The following AKAP6 variants were observed in gnomAD, a reference collection of about 807,000 sequenced individuals.
AKAP6 encodes the protein A-kinase anchor protein 6.
AKAP6 carries 58 observed loss-of-function variants against 188.5 expected under a neutral mutation model. That is an observed-to-expected ratio of 0.31 (90% CI 0.25 to 0.38). The LOEUF (loss-of-function observed/expected upper bound fraction) is 0.38, where lower values mean the gene tolerates loss of function less well. AKAP6 is among the 10% of genes least tolerant of loss of function. The pLI, the probability that AKAP6 is intolerant of heterozygous loss-of-function variation, is 1.00. For missense variants in AKAP6, 2,710 were observed against 2,740.0 expected, an observed-to-expected ratio of 0.99 and a Z score of 0.24; for synonymous variants, 989 against 998.6, an observed-to-expected ratio of 0.99 and a Z score of 0.18.
intron 1 of AKAP6, among the ~76,000 whole-genome samples, chr14:32,350,800 T>C (rs1887239202): frequency 6.6e-6 from 1 of 152,046 alleles, no homozygotes; most frequent in South Asian, 2.1e-4. Context: ...TAGTTGAAGA[T>C]TTAACAGGGT....
chr14:32,575,469 T>C (rs1367787604), intron 4 of AKAP6, among the ~76,000 whole-genome samples: 2 of 152,148 alleles, frequency 1.3e-5, no homozygotes, highest in African/African-American at 4.8e-5. Context: ...AATGATGTTG[T>C]CAATCAGTTT....
intron 12 of AKAP6, among the ~76,000 whole-genome samples, chr14:32,804,261 T>C (rs1365846158): frequency 6.6e-6 from 1 of 152,206 alleles, no homozygotes; most frequent in Non-Finnish European, 1.5e-5. Flanking sequence ...GAAGCCTATG[T>C]AATCTTTCAA....
intron 5 of AKAP6, among the ~76,000 whole-genome samples, chr14:32,578,997 C>T (rs1297018067): frequency 6.6e-6 from 1 of 152,114 alleles, no homozygotes; most frequent in Non-Finnish European, 1.5e-5. Context: ...CTATATTGCC[C>T]TCTCCTATGT....
At position 32,568,491 on chromosome 14, in the gene AKAP6, A is replaced by G. The variant is rs745928440; in HGVS notation, c.2347-8629A>G. Reference sequence around the variant, plus strand: ...ATGAAAAACCTACAATTAAACCATTAAACTATCATAATCCTAAATTCTAAG... The same window carrying G: ...ATGAAAAACCTACAATTAAACCATTGAACTATCATAATCCTAAATTCTAAG... On this transcript the variant is annotated intron_variant, in intron 4 of 13. Coordinates refer to ENST00000280979, the MANE Select transcript of AKAP6 (RefSeq NM_004274.5). This position sits in a 1 kb window ranked among gnomAD's most constrained non-coding sequence, Gnocchi z 6.2. Among the ~76,000 whole-genome samples, 1 of 152,194 alleles carries G rather than the reference A, an allele frequency of 6.6e-6. No individual in the cohort carries two copies. The highest frequency in any genetic ancestry group is 1.5e-5 in the Non-Finnish European group (1 of 68,040).
intron 7 of AKAP6, among the ~76,000 whole-genome samples, chr14:32,654,567 C>T (rs1470687968): frequency 2.0e-5 from 3 of 151,856 alleles, no homozygotes; most frequent in African/African-American, 7.3e-5. Flanking sequence ...ATATTATGGG[C>T]TGAGCCAGCT....
At chr14:32,582,987 C>T (rs1366884622) in intron 5 of AKAP6, among the ~76,000 whole-genome samples, 1 of 152,254 alleles carries the variant, frequency 6.6e-6, no homozygotes, top group Non-Finnish European at 1.5e-5. Context: ...CTTCTCTCAA[C>T]TTGTGAAAGT....
intron 5 of AKAP6, among the ~76,000 whole-genome samples, chr14:32,587,407 G>A (rs1885300997): frequency 6.6e-6 from 1 of 152,140 alleles, no homozygotes; most frequent in African/African-American, 2.4e-5. Flanking sequence ...AGCATGTAAC[G>A]GGTTTCTACT....
At chr14:32,671,280 A>G (rs1015482217) in intron 7 of AKAP6, among the ~76,000 whole-genome samples, 8 of 152,196 alleles carry the variant, frequency 5.3e-5, no homozygotes, top group African/African-American at 1.9e-4. Flanking sequence ...GAAGCAGGCT[A>G]GACTAGGTTG....
rs77131932 is a variant in AKAP6, at chr14:32,640,668, A to G, written c.2731-37643A>G. ...CCTGTGCTCACATTAGCCCTTACAGATAACCCTCGATTGACTGAGAATCTT... is the reference window on the plus strand; with the variant it reads ...CCTGTGCTCACATTAGCCCTTACAGGTAACCCTCGATTGACTGAGAATCTT... On this transcript the variant is annotated intron_variant, in intron 7 of 13. Transcript: ENST00000280979. 4.1e-3 allele frequency among the ~76,000 whole-genome samples: 627 copies of G among 152,266 alleles called. 3 individuals are homozygous for G. Among genetic ancestry groups the G allele is most frequent in the African/African-American group, 0.013 (549 of 41,554 alleles).
chr14:32,757,641 C>T (rs1242866520), intron 11 of AKAP6, among the ~76,000 whole-genome samples: 1 of 152,200 alleles, frequency 6.6e-6, no homozygotes, highest in African/African-American at 2.4e-5. Context: ...TTCTCTTCAG[C>T]AAACATCTGT....
At chr14:32,657,555 T>C (rs1332639944) in intron 7 of AKAP6, among the ~76,000 whole-genome samples, 1 of 152,194 alleles carries the variant, frequency 6.6e-6, no homozygotes, top group African/African-American at 2.4e-5. Flanking sequence ...CAGATTTCTC[T>C]GTGTCTAAAT....
chr14:32,812,030 G>A (rs959213908), intron 12 of AKAP6, among the ~76,000 whole-genome samples: 1 of 152,166 alleles, frequency 6.6e-6, no homozygotes, highest in African/African-American at 2.4e-5. Flanking sequence ...TTTCATAAAG[G>A]AGGGAGAAGG....
In AKAP6 at chr14:32,837,520, C is replaced by T. The variant is rs931038517; in HGVS notation, c.*7715C>T. On this transcript the variant is annotated 3_prime_UTR_variant, in exon 14 of 14. Transcript: ENST00000280979. ...AAGGTTTATAGAATTAGTTTGGTTC[C>T]GTTAGTTGATCAAGTTACTTACACT... is the stretch of plus-strand genomic sequence containing the variant. The T allele has an allele frequency of 2.0e-5, 3 of 152,120 alleles. No individual in the cohort carries two copies. The highest frequency in any genetic ancestry group is 4.4e-5 in the Non-Finnish European group (3 of 68,032). The allele number at this position is 152,120 out of a possible 1,614,324, so 9.4% of individuals were successfully genotyped here.
rs762724331 is a variant in AKAP6 at position 32,732,638 on chromosome 14, A to G, written c.3147+38A>G. 14 of 1,607,652 alleles carry G rather than the reference A, an allele frequency of 8.7e-6. No homozygotes were observed. In the South Asian group the frequency reaches 1.2e-4, roughly 14 times the overall value. ...TTATTACTGTTTGTAGGTTATGTGT[A>G]CATTTTTTGCGTAGTGAAGTACTCT... is the stretch of plus-strand genomic sequence containing the variant. On this transcript the variant is annotated intron_variant, in intron 10 of 13. Transcript: ENST00000280979.
At chr14:32,706,895 T>C (rs1260319485) in intron 9 of AKAP6, among the ~76,000 whole-genome samples, 1 of 152,130 alleles carries the variant, frequency 6.6e-6, no homozygotes, top group Non-Finnish European at 1.5e-5. Context: ...ATTTCACTTC[T>C]AAAGTTTCTC....
At chr14:32,744,522 T>C (rs2031812895) in intron 11 of AKAP6, among the ~76,000 whole-genome samples, 1 of 152,070 alleles carries the variant, frequency 6.6e-6, no homozygotes, top group African/African-American at 2.4e-5. Context: ...TTCACTGCAC[T>C]AGCCAGGATG....
At chr14:32,733,149 C>CA (rs76475559) in intron 10 of AKAP6, 222 of 138,334 alleles carry the variant, frequency 1.6e-3, no homozygotes, top group East Asian at 2.9e-3. Context: ...TAACAAAAGC[C>CA]AAAAAAAAAA....
rs1193596534 is a variant in AKAP6, at chr14:32,352,075, GTGTGTGTGTGTGTGTGTGTGTGTGTGTT to G, written c.-35+22695_-35+22722del. On this transcript the variant is annotated intron_variant, in intron 1 of 13. Coordinates refer to ENST00000280979, the MANE Select transcript of AKAP6 (RefSeq NM_004274.5). ...TTTGTGTAGTCTTGGGAGACCCTGT[GTGTGTGTGTGTGTGTGTGTGTGTGTGTT>G]TGTGTGTGTGTGTGTGTGTGTGTGT... Among the ~76,000 whole-genome samples the G allele has an allele frequency of 8.9e-4, 107 of 120,552 alleles. 1 individual carries two copies. The highest frequency in any genetic ancestry group is 1.7e-3 in the African/African-American group (45 of 26,920). The allele number at this position is 120,552 out of a possible 152,430, so 79.1% of individuals were successfully genotyped here. A position where few individuals can be genotyped will look rare whatever the true frequency, so the allele number is the denominator to read the frequency against.
chr14:32,804,414 C>T (rs1566723885), intron 12 of AKAP6, among the ~76,000 whole-genome samples: 1 of 152,076 alleles, frequency 6.6e-6, no homozygotes, highest in East Asian at 1.9e-4. Context: ...CGAAGCCCGC[C>T]TGAGTCTCAG....
Sources: gnomAD v4.1 joint callset for allele counts (sites outside exome capture counted in the v4.1 genomes callset) on GRCh38, gnomAD v4.1.1 for gene constraint, Gnocchi (gnomAD v3.1) non-coding constraint, MANE v1.5 for transcripts, NCBI Gene and HGNC (gene_info 2026-07-23, HGNC 2026-07-21) for gene names.